Variants in SLC44A5 observed in about 807,000 individuals in gnomAD.
SLC44A5 encodes the protein choline transporter-like protein 5.
Under a neutral mutation model 101.8 loss-of-function variants are expected in SLC44A5, and 57 were observed. That is an observed-to-expected ratio of 0.56 (90% CI 0.45 to 0.70). SLC44A5 has a LOEUF of 0.70. Ranked by LOEUF, SLC44A5 falls within the 30% of genes least tolerant of loss-of-function variation. SLC44A5 has a pLI of 0.00. For missense variants in SLC44A5, 737 were observed against 853.1 expected, an observed-to-expected ratio of 0.86 and a Z score of 1.70; for synonymous variants, 281 against 290.9, an observed-to-expected ratio of 0.97 and a Z score of 0.35.
chr1:75,712,264 G>A, the SLC44A5 span, among the ~76,000 whole-genome samples: 3 of 152,124 alleles, frequency 2.0e-5, no homozygotes, highest in African/African-American at 4.8e-5. Flanking sequence ...ATCTTATTTG[G>A]GAAAACTGAT....
intron 4 of SLC44A5, among the ~76,000 whole-genome samples, chr1:75,322,467 C>T (rs1319946789): frequency 6.6e-6 from 1 of 151,904 alleles, no homozygotes; most frequent in Non-Finnish European, 1.5e-5. Context: ...TCATTATATG[C>T]TGGTGTGTCT....
At chr1:75,432,248 T>C (rs1395208806) in intron 2 of SLC44A5, among the ~76,000 whole-genome samples, 1 of 152,112 alleles carries the variant, frequency 6.6e-6, no homozygotes. Flanking sequence ...CTACACAAAT[T>C]GAATCGAAGT....
chr1:75,397,924 A>G (rs1253554966), intron 2 of SLC44A5, among the ~76,000 whole-genome samples: 1 of 152,156 alleles, frequency 6.6e-6, no homozygotes. Context: ...GCTGACCCAC[A>G]TTCATTAGGA....
At chr1:75,405,419 C>T (rs993511623) in intron 2 of SLC44A5, among the ~76,000 whole-genome samples, 5 of 152,202 alleles carry the variant, frequency 3.3e-5, no homozygotes, top group African/African-American at 4.8e-5. Context: ...CACAGCACTA[C>T]GTTGCACTTA....
intron 3 of SLC44A5, among the ~76,000 whole-genome samples, chr1:75,352,633 T>C (rs1056919364): frequency 4.6e-5 from 7 of 152,114 alleles, no homozygotes; most frequent in Non-Finnish European, 2.9e-5. Context: ...AAAAGCTTGA[T>C]AATATGATGT....
chr1:75,495,611 C>T (rs574044561), intron 2 of SLC44A5, among the ~76,000 whole-genome samples: 35 of 151,438 alleles, frequency 2.3e-4, no homozygotes, highest in African/African-American at 8.0e-4. Flanking sequence ...AATTTCAATA[C>T]AAGGGCTCAA....
At chr1:75,514,634 A>C (rs1669732093) in intron 2 of SLC44A5, among the ~76,000 whole-genome samples, 1 of 152,232 alleles carries the variant, frequency 6.6e-6, no homozygotes, top group Admixed American at 6.5e-5. Context: ...TCATAGGAAA[A>C]CACATGGGTT....
chr1:75,631,804 T>C, the SLC44A5 span, among the ~76,000 whole-genome samples: 1 of 151,974 alleles, frequency 6.6e-6, no homozygotes, highest in Non-Finnish European at 1.5e-5. Context: ...CCCAAAGCGC[T>C]GGGATTACAG....
At chr1:75,617,015 A>C in the SLC44A5 span, among the ~76,000 whole-genome samples, 1 of 152,124 alleles carries the variant, frequency 6.6e-6, no homozygotes, top group African/African-American at 2.4e-5. Context: ...CGTGCTGATA[A>C]GGGATGAAAA....
At chr1:75,710,727 A>C in the SLC44A5 span, among the ~76,000 whole-genome samples, 1 of 152,142 alleles carries the variant, frequency 6.6e-6, no homozygotes, top group Non-Finnish European at 1.5e-5. Context: ...CTTGGTTCTT[A>C]TGGTTGCAAC....
In SLC44A5 at chr1:75,396,638, A is replaced by C; in HGVS notation, c.14-17T>G. 6.2e-7 allele frequency: 1 copy of C among 1,609,038 alleles called. No individual in the cohort carries two copies. Among genetic ancestry groups the C allele is most frequent in the South Asian group, 1.1e-5 (1 of 90,984 alleles). On this transcript the variant is annotated splice_polypyrimidine_tract_variant and intron_variant, in intron 2 of 23. Transcript: ENST00000370859. ...CTGGTTTTTCTAGGAAAAAGCACAA[A>C]AGGCAAAAAAAATATTTGTAGGGGC...
intron 4 of SLC44A5, 57 bp from the exon 5 acceptor site, chr1:75,300,742 CCTGCACAA>C: frequency 8.6e-7 from 1 of 1,156,644 alleles, no homozygotes; most frequent in Non-Finnish European, 1.2e-6. Flanking sequence ...CTTCCTGTTT[CCTGCACAA>C]AATGAAGGAA....
chr1:75,231,857 G>A (rs1279814855), intron 12 of SLC44A5, among the ~76,000 whole-genome samples: 1 of 151,988 alleles, frequency 6.6e-6, no homozygotes, highest in Non-Finnish European at 1.5e-5. Flanking sequence ...ACCTGTTCTG[G>A]CCAATGAGAA....
chr1:75,352,277 G>T (rs1347383379), intron 3 of SLC44A5, among the ~76,000 whole-genome samples: 1 of 151,868 alleles, frequency 6.6e-6, no homozygotes, highest in East Asian at 1.9e-4. Context: ...GTGCCGTGGT[G>T]GTTTGCTGCA....
chr1:75,215,549 T>C (rs1277620012), intron 19 of SLC44A5, among the ~76,000 whole-genome samples: 1 of 152,060 alleles, frequency 6.6e-6, no homozygotes, highest in East Asian at 1.9e-4. Flanking sequence ...AAAAAAGATA[T>C]TGAAGGTAAT....
At chr1:75,237,165 TGAAA>T in intron 10 of SLC44A5, 95 bp from the exon 11 acceptor site, 1 of 675,924 alleles carries the variant, frequency 1.5e-6, no homozygotes, top group Admixed American at 2.3e-5. Context: ...AAGGTGCTGT[TGAAA>T]GCATGTTTTC....
intron 2 of SLC44A5, among the ~76,000 whole-genome samples, chr1:75,487,960 G>T (rs1374497416): frequency 6.6e-6 from 1 of 152,108 alleles, no homozygotes; most frequent in East Asian, 1.9e-4. Flanking sequence ...TGTCAGATTG[G>T]CAGTGGCATT....
At chr1:75,360,226 A>G (rs115616031) in intron 3 of SLC44A5, among the ~76,000 whole-genome samples, 1,662 of 151,982 alleles carry the variant, frequency 0.011, 28 homozygotes, top group African/African-American at 0.039. Context: ...TTGGGTTCAT[A>G]TCAAAAAAAT....
intron 1 of SLC44A5, among the ~76,000 whole-genome samples, chr1:75,583,099 G>A (rs1930323): frequency 0.14 from 20,639 of 152,144 alleles, 1,841 homozygotes; most frequent in Admixed American, 0.22. Context: ...GTCCCCTCCT[G>A]TCAGCTCAGG....
Sources: allele counts gnomAD v4.1 joint callset (sites outside exome capture counted in the v4.1 genomes callset), GRCh38; gene constraint gnomAD v4.1.1; transcripts MANE v1.5; gene names NCBI Gene and HGNC (gene_info 2026-07-23, HGNC 2026-07-21).